GABPB1: variants seen among roughly 807,000 people sequenced by gnomAD.
The protein encoded by GABPB1 is GA-binding protein subunit beta-1.
A neutral mutation model predicts 45.9 loss-of-function variants in GABPB1; 15 were observed. That is an observed-to-expected ratio of 0.33 (90% confidence interval 0.22 to 0.50). The LOEUF (loss-of-function observed/expected upper bound fraction) is 0.50. GABPB1 is among the 20% of genes least tolerant of loss of function. GABPB1 has a pLI of 0.98. For missense variants in GABPB1, 252 were observed against 457.5 expected, an observed-to-expected ratio of 0.55 and a Z score of 4.10; for synonymous variants, 143 against 154.4, an observed-to-expected ratio of 0.93 and a Z score of 0.55.
At chr15:50,319,781 T>A (rs1466781391) in intron 1 of GABPB1, among the ~76,000 whole-genome samples, 1 of 151,506 alleles carries the variant, frequency 6.6e-6, no homozygotes, top group East Asian at 1.9e-4. Context: ...GAGGTTGCAG[T>A]GAGCCGAGAT....
At chr15:50,280,637 T>C (rs1361811311) in intron 8 of GABPB1, among the ~76,000 whole-genome samples, 1 of 151,952 alleles carries the variant, frequency 6.6e-6, no homozygotes, top group Non-Finnish European at 1.5e-5. Flanking sequence ...TCCCAGCTAC[T>C]TGGGAAGCTG....
At chr15:50,308,136 T>C (rs557391559) in intron 2 of GABPB1, among the ~76,000 whole-genome samples, 12 of 152,344 alleles carry the variant, frequency 7.9e-5, no homozygotes, top group African/African-American at 2.9e-4. Context: ...ACTGTCCAAA[T>C]TGGCATGTGT....
chr15:50,337,129 A>AT (rs1173961008), intron 1 of GABPB1, among the ~76,000 whole-genome samples: 769 of 10,160 alleles, frequency 0.076, 44 homozygotes, highest in South Asian at 0.097. Flanking sequence ...ATATATATAT[A>AT]ATATGAAGAG....
intron 1 of GABPB1, among the ~76,000 whole-genome samples, chr15:50,342,850 T>C (rs1347537578): frequency 1.3e-5 from 2 of 152,212 alleles, no homozygotes; most frequent in Non-Finnish European, 2.9e-5. Context: ...TAACAAGTTG[T>C]AGTAGTCAAA....
At chr15:50,289,903 C>G (rs2046294289) in intron 6 of GABPB1, among the ~76,000 whole-genome samples, 2 of 151,984 alleles carry the variant, frequency 1.3e-5, no homozygotes, top group African/African-American at 4.8e-5. Context: ...TCCCAAGTAG[C>G]TGAGACTGCA....
At chr15:50,325,911 TG>T (rs994011788) in intron 1 of GABPB1, among the ~76,000 whole-genome samples, 2 of 115,782 alleles carry the variant, frequency 1.7e-5, no homozygotes, top group Admixed American at 1.9e-4. Context: ...GGGTTTTTTT[TG>T]TTTTTTTTTT....
intron 1 of GABPB1, among the ~76,000 whole-genome samples, chr15:50,312,408 C>A (rs1333155906): frequency 6.6e-6 from 1 of 152,046 alleles, no homozygotes; most frequent in Non-Finnish European, 1.5e-5. Context: ...GATGGAGTCA[C>A]TGAAAGCCAA....
intron 1 of GABPB1, chr15:50,353,399 T>A (rs1294558319): frequency 6.6e-6 from 1 of 152,060 alleles, no homozygotes; most frequent in Non-Finnish European, 1.5e-5. Flanking sequence ...GGTTTTTTTT[T>A]TAAAAAAGTA....
intron 8 of GABPB1, chr15:50,282,396 G>T (rs1567472169): frequency 2.4e-6 from 1 of 408,252 alleles, no homozygotes; most frequent in African/African-American, 2.1e-5. Context: ...CCCTCTCTAT[G>T]AAAATAAAAA....
rs1271530653 is a variant in GABPB1 at position 50,277,693 on chromosome 15, A to G, written c.*939T>C. 1 of 152,624 alleles carries G rather than the reference A, an allele frequency of 6.6e-6. No homozygotes were observed. The highest frequency in any genetic ancestry group is 1.5e-5 in the Non-Finnish European group (1 of 68,026). 9.5% of individuals were successfully genotyped at this position (152,624 alleles called of 1,614,324 possible). On this transcript the variant is annotated 3_prime_UTR_variant, in exon 9 of 9. Transcript: ENST00000380877. ...TAAAATATTTCAGAAACCCATATGC[A>G]TTGGGTTTTCCAAAAACATTATCTT...
At chr15:50,282,262 G>T (rs1353830588) in intron 8 of GABPB1, 1 of 454,036 alleles carries the variant, frequency 2.2e-6, no homozygotes, top group South Asian at 1.6e-5. Flanking sequence ...TAAAAAAAGA[G>T]AGAGAAGAGA....
At chr15:50,294,805 CCT>C (rs968175514) in intron 6 of GABPB1, among the ~76,000 whole-genome samples, 9 of 151,756 alleles carry the variant, frequency 5.9e-5, no homozygotes, top group African/African-American at 1.7e-4. Context: ...TTTTTTAACC[CCT>C]GTTTTGACAC....
chr15:50,278,864 T>TA (rs532118991), intron 8 of GABPB1, 80 bp from the exon 9 acceptor site: 121,942 of 863,210 alleles, frequency 0.14, 924 homozygotes, highest in Middle Eastern at 0.16. Flanking sequence ...TCCTTCAAAT[T>TA]AAAAAAAAAA....
At chr15:50,310,087 T>C (rs113659548) in intron 1 of GABPB1, among the ~76,000 whole-genome samples, 1,664 of 152,286 alleles carry the variant, frequency 0.011, 8 homozygotes, top group South Asian at 0.019. Context: ...CTGGCCTAAA[T>C]TTTTATTTAT....
chr15:50,316,645 T>G (rs563645029), intron 1 of GABPB1, among the ~76,000 whole-genome samples: 2 of 152,252 alleles, frequency 1.3e-5, no homozygotes, highest in East Asian at 3.9e-4. Flanking sequence ...CTCTTTGACC[T>G]AGTAATTCTA....
In GABPB1 at chr15:50,309,669, C is replaced by A. The variant is rs200381271; in HGVS notation, c.108+22G>T. 34 of 1,349,140 alleles carry A rather than the reference C, an allele frequency of 2.5e-5. No homozygotes were observed. In the East Asian group the frequency reaches 6.4e-4, roughly 26 times the overall value. 83.6% of individuals were successfully genotyped at this position (1,349,140 alleles called of 1,614,324 possible). ...AAAAATGAGAAGGAAAAAGAACACACAATATTAAAATCATTCTTTACCCAG... is the reference window on the plus strand; with the variant it reads ...AAAAATGAGAAGGAAAAAGAACACAAAATATTAAAATCATTCTTTACCCAG... On this transcript the variant is annotated intron_variant, in intron 2 of 8. Coordinates refer to ENST00000380877, the MANE Select transcript of GABPB1 (RefSeq NM_016654.5).
chr15:50,331,632 T>A (rs1041618273), intron 1 of GABPB1, among the ~76,000 whole-genome samples: 1 of 152,222 alleles, frequency 6.6e-6, no homozygotes, highest in African/African-American at 2.4e-5. Flanking sequence ...AGTGTTGTGA[T>A]GTGATTTACA....
chr15:50,319,330 C>T (rs533213795), intron 1 of GABPB1, among the ~76,000 whole-genome samples: 2 of 152,100 alleles, frequency 1.3e-5, no homozygotes, highest in African/African-American at 4.8e-5. Flanking sequence ...GTTTGTTACA[C>T]GTATATATTG....
At chr15:50,305,493 A>C (rs2046918617) in intron 2 of GABPB1, among the ~76,000 whole-genome samples, 1 of 152,140 alleles carries the variant, frequency 6.6e-6, no homozygotes. Context: ...CTGGGACTAC[A>C]GGCACACACC....
Sources: gnomAD v4.1 joint callset for allele counts (sites outside exome capture counted in the v4.1 genomes callset) on GRCh38, gnomAD v4.1.1 for gene constraint, MANE v1.5 for transcripts, NCBI Gene and HGNC (gene_info 2026-07-23, HGNC 2026-07-21) for gene names.